LAMTOR3: variants seen among roughly 807,000 people sequenced by gnomAD.
LAMTOR3 encodes the protein ragulator complex protein LAMTOR3.
A neutral mutation model predicts 20.3 loss-of-function variants in LAMTOR3; 14 were observed. The observed-to-expected ratio is 0.69, with a 90% CI of 0.46 to 1.08. The LOEUF (loss-of-function observed/expected upper bound fraction) is 1.08. Among genes scored for constraint, LAMTOR3 ranks in the 50% least tolerant of loss-of-function variants. The pLI is 0.00. For synonymous variants in LAMTOR3, 40 were observed against 49.4 expected (o/e 0.81, Z 0.80); for missense variants, 125 against 143.7 (o/e 0.87, Z 0.67).
chr4:99,890,907 T>C (rs1287475504), intron 3 of LAMTOR3, among the ~76,000 whole-genome samples: 1 of 152,208 alleles, frequency 6.6e-6, no homozygotes, highest in Non-Finnish European at 1.5e-5. Flanking sequence ...TCATATCCAG[T>C]GTCACACGCT....
At position 99,881,252 on chromosome 4, in the gene LAMTOR3, T is replaced by C. The variant is rs1291833959; in HGVS notation, c.*742A>G. ...TATTTTTACTCACATATGAAAAAAA[T>C]GGCTGTACTATCATGTTTACATACA... On this transcript the variant is annotated 3_prime_UTR_variant, in exon 7 of 7. Transcript: ENST00000499666. 2.0e-5 allele frequency: 3 copies of C among 152,168 alleles called. No homozygotes were observed. The highest frequency in any genetic ancestry group is 7.2e-5 in the African/African-American group (3 of 41,452). The allele number at this position is 152,168 out of a possible 1,614,324, so 9.4% of individuals were successfully genotyped here.
At chr4:99,890,314 T>C (rs1370050379) in intron 3 of LAMTOR3, among the ~76,000 whole-genome samples, 6 of 152,200 alleles carry the variant, frequency 3.9e-5, no homozygotes, top group African/African-American at 1.4e-4. Context: ...AGATTTTAAA[T>C]TGCAAATACA....
chr4:99,883,456 C>A (rs1386022714), intron 6 of LAMTOR3, among the ~76,000 whole-genome samples: 1 of 151,952 alleles, frequency 6.6e-6, no homozygotes, highest in Non-Finnish European at 1.5e-5. Context: ...CATTATTTTA[C>A]ACATAAATAT....
intron 3 of LAMTOR3, among the ~76,000 whole-genome samples, chr4:99,888,015 CTG>C (rs1724960271): frequency 6.6e-6 from 1 of 152,196 alleles, no homozygotes; most frequent in African/African-American, 2.4e-5. Context: ...CGTGGAAAAA[CTG>C]TTCCTGGCTG....
At chr4:99,889,417 G>C (rs572687006) in intron 3 of LAMTOR3, among the ~76,000 whole-genome samples, 1 of 152,132 alleles carries the variant, frequency 6.6e-6, no homozygotes, top group South Asian at 2.1e-4. Context: ...GAATACTCTG[G>C]AATACTCTGC....
intron 2 of LAMTOR3, among the ~76,000 whole-genome samples, chr4:99,892,975 C>T (rs879562422): frequency 1.3e-5 from 2 of 151,982 alleles, no homozygotes; most frequent in Non-Finnish European, 2.9e-5. Flanking sequence ...CCACCGCGCC[C>T]AGCCCAGTGT....
rs558801768 is a variant in LAMTOR3, at chr4:99,881,739, C to A, written c.*255G>T. On this transcript the variant is annotated 3_prime_UTR_variant, in exon 7 of 7. Transcript: ENST00000499666. Reference sequence around the variant, plus strand: ...TCCATATCTGGTGACCAGACTAACTCCATGGGAGCTGTGATAGACTGAACC... The same window carrying A: ...TCCATATCTGGTGACCAGACTAACTACATGGGAGCTGTGATAGACTGAACC... 1 of 410,814 alleles carries A rather than the reference C, an allele frequency of 2.4e-6. No individual in the cohort carries two copies. The highest frequency in any genetic ancestry group is 4.3e-6 in the Non-Finnish European group (1 of 230,836). The allele number at this position is 410,814 out of a possible 1,614,324, so 25.4% of individuals were successfully genotyped here. A position where few individuals can be genotyped will look rare whatever the true frequency, so the allele number is the denominator to read the frequency against.
In LAMTOR3 at chr4:99,882,036, A is replaced by G; in HGVS notation, c.333T>C (p.Ala111=). ...GLIVSLEKEL[A]PLFEELRQVV... ...CTTGTCTCAGTTCTTCAAACAATGG[A>G]GCAAGTTCCTTTTCTAGGCTGACAA... The change falls in exon 7 of 7, where the codon GCT becomes GCC. Residue 111 remains alanine, a synonymous_variant. Coordinates refer to ENST00000499666, the MANE Select transcript of LAMTOR3 (RefSeq NM_021970.4). 1 of 1,593,846 alleles carries G rather than the reference A, an allele frequency of 6.3e-7. No homozygotes were observed. The highest frequency in any genetic ancestry group is 8.5e-7 in the Non-Finnish European group (1 of 1,173,640).
chr4:99,891,222 G>A (rs1725017427), intron 3 of LAMTOR3, among the ~76,000 whole-genome samples: 1 of 152,058 alleles, frequency 6.6e-6, no homozygotes, highest in Non-Finnish European at 1.5e-5. Flanking sequence ...GTATCTCTCC[G>A]TCCCAATTTG....
At chr4:99,894,256 C>A in intron 1 of LAMTOR3, 79 bp downstream of exon 1, 1 of 359,994 alleles carries the variant, frequency 2.8e-6, no homozygotes, top group Non-Finnish European at 5.0e-6. Context: ...AAGAGAGGGT[C>A]CTCTCCTTCT....
At position 99,887,336 on chromosome 4, in the gene LAMTOR3, G is replaced by A; in HGVS notation, c.63C>T (p.Ala21=). The part of the protein sequence containing the change: ...KKLPSVEGLH[A]IVVSDRDGVP... ...CTCCATCTCTATCTGACACAACAAT[G>A]GCATGGAGCCCTTCAACACTAGAAA... The change falls in exon 4 of 7, where the codon GCC becomes GCT. Residue 21 remains alanine, a synonymous_variant. Coordinates refer to ENST00000499666, the MANE Select transcript of LAMTOR3 (RefSeq NM_021970.4). 6.5e-7 allele frequency: 1 copy of A among 1,538,338 alleles called. No individual in the cohort carries two copies. Among genetic ancestry groups the A allele is most frequent in the Non-Finnish European group, 8.8e-7 (1 of 1,135,454 alleles).
chr4:99,894,311 A>C, intron 1 of LAMTOR3, 24 bp downstream of exon 1: 3 of 251,434 alleles, frequency 1.2e-5, no homozygotes, highest in Admixed American at 5.5e-5. Context: ...AGGCCTCAAA[A>C]CCAGGCAAAG....
intron 3 of LAMTOR3, among the ~76,000 whole-genome samples, chr4:99,889,596 C>T (rs1315583711): frequency 1.3e-5 from 2 of 152,146 alleles, no homozygotes; most frequent in South Asian, 2.1e-4. Flanking sequence ...CGTGTATATA[C>T]ATGTCTGCTC....
intron 2 of LAMTOR3, among the ~76,000 whole-genome samples, chr4:99,892,551 TTTCA>T (rs1449015750): frequency 6.6e-6 from 1 of 152,192 alleles, no homozygotes; most frequent in Non-Finnish European, 1.5e-5. Flanking sequence ...CCTTCCATTG[TTTCA>T]TTATTTGTTG....
chr4:99,885,521 A>G, intron 5 of LAMTOR3, 21 bp downstream of exon 5: 1 of 1,568,416 alleles, frequency 6.4e-7, no homozygotes, highest in East Asian at 2.3e-5. Context: ...TCAGCAAATC[A>G]TTTTATAATT....
intron 1 of LAMTOR3, 65 bp downstream of exon 1, chr4:99,894,270 T>G (rs1444994220): frequency 3.0e-6 from 1 of 334,404 alleles, no homozygotes; most frequent in African/African-American, 2.1e-5. Flanking sequence ...TCCTTCTGTT[T>G]AATCTCACCA....
In LAMTOR3 at chr4:99,881,651, A is replaced by C. The variant is rs1170467256; in HGVS notation, c.*343T>G. ...CTGGGCATATTGTACAATTGGCAGC[A>C]CTTAACGGCTCAAGTGGATCAATGT... On this transcript the variant is annotated 3_prime_UTR_variant, in exon 7 of 7. Coordinates refer to ENST00000499666, the MANE Select transcript of LAMTOR3 (RefSeq NM_021970.4). 9.8e-6 allele frequency: 2 copies of C among 203,372 alleles called. No homozygotes were observed. Among genetic ancestry groups the C allele is most frequent in the Non-Finnish European group, 2.0e-5 (2 of 101,830 alleles). The allele number at this position is 203,372 out of a possible 1,614,324, so 12.6% of individuals were successfully genotyped here.
At chr4:99,884,707 G>A (rs182172003) in intron 5 of LAMTOR3, among the ~76,000 whole-genome samples, 1 of 152,280 alleles carries the variant, frequency 6.6e-6, no homozygotes, top group African/African-American at 2.4e-5. Context: ...GCTCACATCT[G>A]TAATCCCAGC....
chr4:99,882,095 A>T, intron 6 of LAMTOR3, 28 bp from the exon 7 acceptor site: 1 of 1,414,944 alleles, frequency 7.1e-7, no homozygotes, highest in Non-Finnish European at 9.7e-7. Flanking sequence ...AGAAAATTAC[A>T]TGTTAGAAAA....
Sources: gnomAD v4.1 joint callset for allele counts (sites outside exome capture counted in the v4.1 genomes callset) on GRCh38, gnomAD v4.1.1 for gene constraint, MANE v1.5 for transcripts, NCBI Gene and HGNC (gene_info 2026-07-23, HGNC 2026-07-21) for gene names.